The following ABCA12 variants were observed in gnomAD, a reference collection of about 807,000 sequenced individuals.
The protein encoded by ABCA12 is glucosylceramide transporter ABCA12.
Under a neutral mutation model 293.5 loss-of-function variants are expected in ABCA12, and 156 were observed. The ratio of observed to expected loss-of-function variants is 0.53; its 90% CI spans 0.47 to 0.61. ABCA12 has a LOEUF of 0.61. Ranked by LOEUF, ABCA12 falls within the 20% of genes least tolerant of loss-of-function variation. The pLI, the probability that ABCA12 is intolerant of heterozygous loss-of-function variation, is 0.00. For synonymous variants in ABCA12, 1,063 were observed against 1,108.0 expected, an observed-to-expected ratio of 0.96 and a Z score of 0.81; for missense variants, 2,797 against 3,090.2, an observed-to-expected ratio of 0.91 and a Z score of 2.25.
At chr2:215,113,753 T>C (rs895716035) in intron 1 of ABCA12, among the ~76,000 whole-genome samples, 4 of 152,228 alleles carry the variant, frequency 2.6e-5, no homozygotes, top group Non-Finnish European at 5.9e-5. Context: ...CATTTAGTAT[T>C]TCCATTAATG....
rs1064794286 is a variant in ABCA12 at position 215,011,497 on chromosome 2, C to CA, written c.2273dup (p.Leu758PhefsTer4). 2.5e-6 allele frequency: 4 copies of CA among 1,613,740 alleles called. No individual in the cohort carries two copies. In the African/African-American group the frequency reaches 4.0e-5, roughly 16 times the overall value. ...TTTGCTCTTTAGTTAATTTATAAGT[C>CA]AAAAAATCCTTGGTGTGGTTGCCTT... On this transcript the variant is annotated frameshift_variant, in exon 17 of 53. Coordinates refer to ENST00000272895, the MANE Select transcript of ABCA12 (RefSeq NM_173076.3). LOFTEE classifies it high-confidence loss of function.
At chr2:215,012,251 A>G in intron 15 of ABCA12, 116 bp from the exon 16 acceptor site, 1 of 899,392 alleles carries the variant, frequency 1.1e-6, no homozygotes, top group Non-Finnish European at 1.7e-6. Context: ...GAAGTTTATT[A>G]AATAGTTAAA....
chr2:215,024,170 C>T (rs1408329925), intron 11 of ABCA12, among the ~76,000 whole-genome samples: 1 of 152,216 alleles, frequency 6.6e-6, no homozygotes, highest in African/African-American at 2.4e-5. Flanking sequence ...AATTTCTTCT[C>T]TCCACCTCTA....
At chr2:215,115,959 C>G (rs1303178509) in intron 1 of ABCA12, among the ~76,000 whole-genome samples, 1 of 152,052 alleles carries the variant, frequency 6.6e-6, no homozygotes. Flanking sequence ...TGGCAGGCGA[C>G]CGATTTCATA....
chr2:214,974,055 A>G lies in ABCA12; in HGVS notation c.5469-13T>C. ...GTTTAAACACTGTCTGCAAGTTAAA[A>G]TGATATTGCTGTGAGGTGTGTATGT... On this transcript the variant is annotated splice_polypyrimidine_tract_variant and intron_variant, in intron 35 of 52. Transcript: ENST00000272895. 1 of 1,608,920 alleles carries G rather than the reference A, an allele frequency of 6.2e-7. No homozygotes were observed. The highest frequency in any genetic ancestry group is 1.7e-4 in the Middle Eastern group (1 of 6,054).
Position 215,001,761 on chromosome 2 carries a change from CA to C in ABCA12, c.2684-25del, listed in dbSNP as rs547390617. The C allele has an allele frequency of 2.2e-4, 353 of 1,580,530 alleles. 1 individual carries two copies. The highest frequency in any genetic ancestry group is 5.2e-4 in the East Asian group (23 of 44,048). ...ATCTAAAGAGGCAAAGCAAAAGAGA[CA>C]AAAAAAAATTATGGTCCTGATTCTG... On this transcript the variant is annotated intron_variant, in intron 20 of 52. Coordinates refer to ENST00000272895, the MANE Select transcript of ABCA12 (RefSeq NM_173076.3).
At chr2:214,997,915 A>T (rs559607184) in intron 22 of ABCA12, 106 bp from the exon 23 acceptor site, 5 of 727,630 alleles carry the variant, frequency 6.9e-6, no homozygotes, top group Non-Finnish European at 9.7e-6. Context: ...TGAACTTATG[A>T]TCGTGTTTTG....
intron 1 of ABCA12, among the ~76,000 whole-genome samples, chr2:215,134,562 G>GCATATA (rs1703158585): frequency 1.2e-5 from 1 of 82,266 alleles, no homozygotes; most frequent in African/African-American, 7.5e-5. Context: ...ATGTATATAT[G>GCATATA]TGTGTATATA....
intron 2 of ABCA12, among the ~76,000 whole-genome samples, chr2:215,092,083 C>A (rs1702159305): frequency 6.6e-6 from 1 of 152,206 alleles, no homozygotes; most frequent in Non-Finnish European, 1.5e-5. Context: ...GCCTGATGGC[C>A]TCAGAAGCCT....
At chr2:214,937,167 T>G (rs1442219642) in intron 51 of ABCA12, among the ~76,000 whole-genome samples, 1 of 152,018 alleles carries the variant, frequency 6.6e-6, no homozygotes, top group Admixed American at 6.6e-5. Context: ...GGCAAGATAA[T>G]CACTTACATT....
At position 215,036,946 on chromosome 2, in the gene ABCA12, A is replaced by G. The variant is rs779771411; in HGVS notation, c.985+7T>C. On this transcript the variant is annotated splice_region_variant and intron_variant, in intron 8 of 52. Coordinates refer to ENST00000272895, the MANE Select transcript of ABCA12 (RefSeq NM_173076.3). ...GAATTTAACACAGTAAGATGGAAATATAATACCTTGAGCTGGGGAGTCCAG... is the reference window on the plus strand; with the variant it reads ...GAATTTAACACAGTAAGATGGAAATGTAATACCTTGAGCTGGGGAGTCCAG... 13 of 1,611,400 alleles carry G rather than the reference A, an allele frequency of 8.1e-6. No homozygotes were observed. Among genetic ancestry groups the G allele is most frequent in the Non-Finnish European group, 7.6e-6 (9 of 1,177,680 alleles).
intron 44 of ABCA12, 116 bp from the exon 45 acceptor site, chr2:214,951,199 T>G: frequency 1.1e-6 from 1 of 912,370 alleles, no homozygotes; most frequent in South Asian, 1.4e-5. Flanking sequence ...ATTAGACTTC[T>G]TTTACATTTG....
At chr2:215,041,466 C>T (rs1002134777) in intron 7 of ABCA12, among the ~76,000 whole-genome samples, 1 of 150,856 alleles carries the variant, frequency 6.6e-6, no homozygotes, top group African/African-American at 2.5e-5. Context: ...GCAGAAGAAT[C>T]GCTTGAACCC....
intron 41 of ABCA12, among the ~76,000 whole-genome samples, chr2:214,957,165 A>C (rs1446887686): frequency 2.0e-5 from 3 of 152,222 alleles, no homozygotes; most frequent in African/African-American, 7.2e-5. Flanking sequence ...GAACTTTCTC[A>C]GATGGTTGAT....
intron 5 of ABCA12, 51 bp from the exon 6 acceptor site, chr2:215,049,862 G>A (rs1409633078): frequency 6.6e-7 from 1 of 1,511,774 alleles, no homozygotes; most frequent in Non-Finnish European, 9.1e-7. Flanking sequence ...AAATGTAGAT[G>A]TTCAAATATT....
chr2:214,989,513 G>A, intron 25 of ABCA12, 39 bp downstream of exon 25: 3 of 1,613,952 alleles, frequency 1.9e-6, no homozygotes, highest in Non-Finnish European at 2.5e-6. Flanking sequence ...CAGCACAGTT[G>A]TGAAAGATAA....
intron 1 of ABCA12, among the ~76,000 whole-genome samples, chr2:215,123,823 G>A (rs768127348): frequency 2.0e-5 from 3 of 151,866 alleles, no homozygotes; most frequent in African/African-American, 4.8e-5. Flanking sequence ...TTGGTTACAT[G>A]AGTAAGTTCT....
At chr2:215,124,122 G>A (rs1306848408) in intron 1 of ABCA12, among the ~76,000 whole-genome samples, 1 of 152,186 alleles carries the variant, frequency 6.6e-6, no homozygotes, top group Non-Finnish European at 1.5e-5. Context: ...TGGCTGCGTA[G>A]TATTCCATCA....
In ABCA12 at chr2:215,001,003, G is replaced by A. The variant is rs935665803; in HGVS notation, c.2881C>T (p.Pro961Ser). The A allele has an allele frequency of 1.2e-6, 2 of 1,613,990 alleles. No homozygotes were observed. The highest frequency in any genetic ancestry group is 1.7e-6 in the Non-Finnish European group (2 of 1,179,934). Reference protein sequence around the residue: ...ELFGSVIFKLPSNRSWHRGYD... With the variant: ...ELFGSVIFKLSSNRSWHRGYD... ...CCTCTGTGCCAGCTTCTGTTAGAAG[G>A]AAGCTTAAAAATAACACCTAAAAAT... The change falls in exon 22 of 53, where the codon CCT becomes TCT. Residue 961 changes from proline to serine, a missense_variant. By Grantham distance (74) the Pro-to-Ser change is moderately conservative. Coordinates refer to ENST00000272895, the MANE Select transcript of ABCA12 (RefSeq NM_173076.3).
Sources: allele counts gnomAD v4.1 joint callset (sites outside exome capture counted in the v4.1 genomes callset), GRCh38; gene constraint gnomAD v4.1.1; transcripts MANE v1.5; gene names NCBI Gene and HGNC (gene_info 2026-07-23, HGNC 2026-07-21).